SHTN1: variants seen among roughly 807,000 people sequenced by gnomAD.
SHTN1 encodes shootin-1.
Under a neutral mutation model 83.1 loss-of-function variants are expected in SHTN1, and 42 were observed. That is an observed-to-expected ratio of 0.51 (90% CI 0.39 to 0.65). The LOEUF (loss-of-function observed/expected upper bound fraction) is 0.65, where lower values mean the gene tolerates loss of function less well. SHTN1 is among the 30% of genes least tolerant of loss of function. SHTN1 has a pLI of 0.00. For missense variants in SHTN1, 622 were observed against 737.8 expected, an observed-to-expected ratio of 0.84 and a Z score of 1.82; for synonymous variants, 224 against 247.7, an observed-to-expected ratio of 0.90 and a Z score of 0.90.
chr10:116,973,554 C>G (rs1850692103), intron 2 of SHTN1, among the ~76,000 whole-genome samples: 2 of 152,116 alleles, frequency 1.3e-5, no homozygotes, highest in African/African-American at 4.8e-5. Flanking sequence ...ACACTGGGCA[C>G]AATACATGAA....
chr10:117,064,565 G>A (rs1056862674), intron 1 of SHTN1, among the ~76,000 whole-genome samples: 1 of 151,096 alleles, frequency 6.6e-6, no homozygotes, highest in Non-Finnish European at 1.5e-5. Flanking sequence ...TGAGGCAGGA[G>A]AATCGCTTGA....
chr10:117,084,572 G>C (rs1442715933), intron 1 of SHTN1, among the ~76,000 whole-genome samples: 1 of 152,322 alleles, frequency 6.6e-6, no homozygotes, highest in Non-Finnish European at 1.5e-5. Flanking sequence ...CACCCAGTTC[G>C]AGCTTCCCGG....
At chr10:117,102,586 A>G (rs1189707923) in intron 1 of SHTN1, among the ~76,000 whole-genome samples, 1 of 152,006 alleles carries the variant, frequency 6.6e-6, no homozygotes, top group East Asian at 1.9e-4. Context: ...TTCCCCTCCA[A>G]CAAGTGGATC....
At chr10:117,022,388 A>G (rs1589899529) in intron 2 of SHTN1, among the ~76,000 whole-genome samples, 1 of 152,206 alleles carries the variant, frequency 6.6e-6, no homozygotes, top group Non-Finnish European at 1.5e-5. Context: ...AAATCCTTAC[A>G]CTATTTTTGA....
At chr10:117,065,806 AAGGAAGGAAGGAAGG>A (rs1852984778) in intron 1 of SHTN1, among the ~76,000 whole-genome samples, 4 of 57,056 alleles carry the variant, frequency 7.0e-5, no homozygotes, top group Non-Finnish European at 1.3e-4. Flanking sequence ...GGAAGGAAGG[AAGGAAGGAAGGAAGG>A]AAGGAAGGAA....
In SHTN1 at chr10:117,013,302, G is replaced by A. The variant is rs150733626; in HGVS notation, c.-122-33994C>T. Among the ~76,000 whole-genome samples the A allele has an allele frequency of 6.5e-3, 996 of 152,140 alleles. 16 individuals are homozygous for A. The highest frequency in any genetic ancestry group is 0.023 in the African/African-American group (961 of 41,490). On this transcript the variant is annotated intron_variant, in intron 2 of 17. Transcript: ENST00000392901. ...TGATTCTCCTGCCTCAGCCTCCCCA[G>A]TAGCTGGGCTACAGGCACCCGCCAC...
At chr10:117,094,790 A>T (rs1185949445) in intron 1 of SHTN1, among the ~76,000 whole-genome samples, 1 of 152,228 alleles carries the variant, frequency 6.6e-6, no homozygotes, top group Non-Finnish European at 1.5e-5. Context: ...AAAATTAATT[A>T]AGCACATATT....
chr10:117,034,368 A>G (rs1852464416), intron 2 of SHTN1, among the ~76,000 whole-genome samples: 1 of 152,194 alleles, frequency 6.6e-6, no homozygotes, highest in South Asian at 2.1e-4. Flanking sequence ...ATGGCCGGGC[A>G]TGGTGGTTCA....
chr10:117,001,486 C>A (rs535252629), intron 1 of SHTN1, among the ~76,000 whole-genome samples: 19 of 152,234 alleles, frequency 1.2e-4, no homozygotes, highest in Admixed American at 3.3e-4. Context: ...AAAGGCTTCA[C>A]GTTAGGGAAG....
chr10:117,078,567 A>G (rs1853199158), intron 1 of SHTN1, among the ~76,000 whole-genome samples: 1 of 152,196 alleles, frequency 6.6e-6, no homozygotes, highest in Non-Finnish European at 1.5e-5. Flanking sequence ...TGCACTGTGT[A>G]TAATAAACTA....
intron 1 of SHTN1, among the ~76,000 whole-genome samples, chr10:117,066,380 G>A (rs1853002483): frequency 6.6e-6 from 1 of 152,178 alleles, no homozygotes; most frequent in South Asian, 2.1e-4. Flanking sequence ...CTTGGAGAGA[G>A]AGAGAAAGAC....
intron 1 of SHTN1, among the ~76,000 whole-genome samples, chr10:117,071,543 A>ATTTATTCCTGTTCTG (rs1318346733): frequency 6.6e-6 from 1 of 152,200 alleles, no homozygotes; most frequent in Non-Finnish European, 1.5e-5. Flanking sequence ...CAGAAATGGC[A>ATTTATTCCTGTTCTG]TTTATTCCTG....
intron 1 of SHTN1, among the ~76,000 whole-genome samples, chr10:117,104,728 C>T (rs183978546): frequency 1.3e-5 from 2 of 152,112 alleles, no homozygotes; most frequent in African/African-American, 2.4e-5. Context: ...GAGCCGAGAT[C>T]GCGCCACTGC....
chr10:116,965,188 C>T (rs142671772), intron 3 of SHTN1, among the ~76,000 whole-genome samples: 1 of 152,142 alleles, frequency 6.6e-6, no homozygotes, highest in African/African-American at 2.4e-5. Context: ...AGCCCTATGG[C>T]CAAACAAAGC....
intron 8 of SHTN1, among the ~76,000 whole-genome samples, chr10:116,944,575 C>A (rs1849503829): frequency 6.6e-6 from 1 of 152,112 alleles, no homozygotes; most frequent in Non-Finnish European, 1.5e-5. Context: ...GATATGTCGT[C>A]TGCAAGGTCC....
At chr10:116,970,075 CAT>C (rs1210414163) in intron 2 of SHTN1, among the ~76,000 whole-genome samples, 1 of 152,074 alleles carries the variant, frequency 6.6e-6, no homozygotes, top group African/African-American at 2.4e-5. Context: ...TATGATGTCA[CAT>C]AATGTGAAAA....
At chr10:116,982,332 T>G (rs1324087261) in intron 1 of SHTN1, among the ~76,000 whole-genome samples, 1 of 152,036 alleles carries the variant, frequency 6.6e-6, no homozygotes, top group Non-Finnish European at 1.5e-5. Context: ...AAGTAAGGTA[T>G]AAGGAAAGGA....
At chr10:117,029,699 A>C (rs1852380215) in intron 2 of SHTN1, among the ~76,000 whole-genome samples, 1 of 152,126 alleles carries the variant, frequency 6.6e-6, no homozygotes, top group African/African-American at 2.4e-5. Flanking sequence ...CTCCTGCTCC[A>C]GCCTTCTGAA....
At chr10:117,029,353 G>C (rs1290685992) in intron 2 of SHTN1, among the ~76,000 whole-genome samples, 2 of 152,202 alleles carry the variant, frequency 1.3e-5, no homozygotes, top group Non-Finnish European at 2.9e-5. Context: ...TCTCAGAGGA[G>C]ACTTTGGGCT....
Sources: gnomAD v4.1 joint callset for allele counts (sites outside exome capture counted in the v4.1 genomes callset) on GRCh38, gnomAD v4.1.1 for gene constraint, MANE v1.5 for transcripts, NCBI Gene and HGNC (gene_info 2026-07-23, HGNC 2026-07-21) for gene names.